Variants in YIPF4 observed in about 807,000 individuals in gnomAD.
YIPF4 encodes the protein Yip1 domain family member 4.
In YIPF4, 18 loss-of-function variants were observed where a neutral mutation model predicts 29.4. That is an observed-to-expected ratio of 0.61 (90% confidence interval 0.42 to 0.91). YIPF4 has a LOEUF of 0.91. Ranked by LOEUF, YIPF4 falls within the 40% of genes least tolerant of loss-of-function variation. YIPF4 has a pLI of 0.00. For synonymous variants in YIPF4, 115 were observed against 104.7 expected (o/e 1.10, Z -0.60); for missense variants, 279 against 282.7 (o/e 0.99, Z 0.09).
rs1201528741 is a variant in YIPF4 at position 32,313,242 on chromosome 2, G to A, written c.*7616G>A. 6.6e-6 allele frequency: 1 copy of A among 152,140 alleles called. No homozygotes were observed. The allele number at this position is 152,140 out of a possible 1,614,324, so 9.4% of individuals were successfully genotyped here. A position where few individuals can be genotyped will look rare whatever the true frequency, so the allele number is the denominator to read the frequency against. On this transcript the variant is annotated 3_prime_UTR_variant, in exon 6 of 6. Transcript: ENST00000238831. ...GAAGACTCTTTCAGATAGAATCGCAGTTTGTGAGTTTGCTTGGGGAAAAAA... is the reference window on the plus strand; with the variant it reads ...GAAGACTCTTTCAGATAGAATCGCAATTTGTGAGTTTGCTTGGGGAAAAAA...
At chr2:32,297,202 G>A (rs1188772283) in intron 3 of YIPF4, among the ~76,000 whole-genome samples, 3 of 151,460 alleles carry the variant, frequency 2.0e-5, no homozygotes, top group African/African-American at 7.3e-5. Context: ...TTGGCTCACC[G>A]CAACCTCTGC....
chr2:32,283,909 G>A (rs565000525), intron 1 of YIPF4, among the ~76,000 whole-genome samples: 2 of 151,984 alleles, frequency 1.3e-5, no homozygotes, highest in East Asian at 1.9e-4. Flanking sequence ...TAATAGAGAC[G>A]GGGTTTTACC....
intron 5 of YIPF4, among the ~76,000 whole-genome samples, chr2:32,302,545 G>A (rs979162306): frequency 4.6e-5 from 7 of 151,980 alleles, no homozygotes; most frequent in African/African-American, 1.7e-4. Flanking sequence ...GGACTTCTTT[G>A]TGTTATTTAT....
In YIPF4 at chr2:32,305,419, C is replaced by G. The variant is rs955866021; in HGVS notation, c.598-70C>G. 5.8e-6 allele frequency: 8 copies of G among 1,389,122 alleles called. No homozygotes were observed. In the African/African-American group the frequency reaches 1.0e-4, roughly 18 times the overall value. 86.0% of individuals were successfully genotyped at this position (1,389,122 alleles called of 1,614,324 possible). A position where few individuals can be genotyped will look rare whatever the true frequency, so the allele number is the denominator to read the frequency against. On this transcript the variant is annotated intron_variant, in intron 5 of 5. Transcript: ENST00000238831. ...AAAAATATTGTAAACACCATTTTTA[C>G]TCTATGATATCCAAAAAGTTAATTG...
Position 32,294,371 on chromosome 2 carries a change from C to T in YIPF4, c.405+2023C>T, listed in dbSNP as rs188381115. Among the ~76,000 whole-genome samples the T allele has an allele frequency of 2.8e-3, 431 of 152,068 alleles. 1 individual carries two copies. Among genetic ancestry groups the T allele is most frequent in the Non-Finnish European group, 4.2e-3 (284 of 67,928 alleles). On this transcript the variant is annotated intron_variant, in intron 3 of 5. Coordinates refer to ENST00000238831, the MANE Select transcript of YIPF4 (RefSeq NM_032312.4). Reference sequence around the variant, plus strand: ...CAGACAGGGCGGCTGGGCAGAGATGCTCCTCACCTCCCAGACGTGGTCGCG... The same window carrying T: ...CAGACAGGGCGGCTGGGCAGAGATGTTCCTCACCTCCCAGACGTGGTCGCG...
intron 3 of YIPF4, 57 bp from the exon 4 acceptor site, chr2:32,298,177 G>A (rs1230559045): frequency 7.3e-7 from 1 of 1,371,106 alleles, no homozygotes; most frequent in Non-Finnish European, 1.0e-6. Context: ...CGAGTTCCTG[G>A]AAAATTATCA....
chr2:32,278,471 A>G (rs2030214729), intron 1 of YIPF4, among the ~76,000 whole-genome samples: 1 of 151,998 alleles, frequency 6.6e-6, no homozygotes, highest in Admixed American at 6.6e-5. Flanking sequence ...TTTTCCCCAT[A>G]CCGTCTGGTG....
chr2:32,288,090 ATAACATGTTAAAC>A (rs1231537905), intron 1 of YIPF4, among the ~76,000 whole-genome samples: 7 of 151,992 alleles, frequency 4.6e-5, no homozygotes, highest in African/African-American at 1.7e-4. Context: ...TGTTAACTTG[ATAACATGTTAAAC>A]TACTACTAAT....
At chr2:32,298,616 A>G (rs1031534491) in intron 4 of YIPF4, among the ~76,000 whole-genome samples, 5 of 152,120 alleles carry the variant, frequency 3.3e-5, no homozygotes, top group African/African-American at 1.2e-4. Context: ...GCTGCAGTGC[A>G]GTGGGGCAAT....
chr2:32,285,302 A>T (rs777050240), intron 1 of YIPF4, among the ~76,000 whole-genome samples: 6 of 152,150 alleles, frequency 3.9e-5, no homozygotes, highest in Non-Finnish European at 8.8e-5. Context: ...AAGACCTGAG[A>T]TATATCAGTT....
At chr2:32,300,856 A>G (rs1205636144) in intron 4 of YIPF4, among the ~76,000 whole-genome samples, 1 of 152,198 alleles carries the variant, frequency 6.6e-6, no homozygotes, top group African/African-American at 2.4e-5. Flanking sequence ...TATATTTCAT[A>G]GGATTGTTAT....
chr2:32,309,922 TC>T lies in YIPF4; in HGVS notation c.*4297del, dbSNP rs1239174857. 11 of 152,230 alleles carry T rather than the reference TC, an allele frequency of 7.2e-5. No homozygotes were observed. The highest frequency in any genetic ancestry group is 2.6e-4 in the African/African-American group (11 of 41,560). The allele number at this position is 152,230 out of a possible 1,614,324, so 9.4% of individuals were successfully genotyped here. On this transcript the variant is annotated 3_prime_UTR_variant, in exon 6 of 6. Coordinates refer to ENST00000238831, the MANE Select transcript of YIPF4 (RefSeq NM_032312.4). ...CCAGGCTGGTCTTAAACTCCTGACC[TC>T]AGGTGATCCACCCACCTTGGCCTCC...
chr2:32,290,503 TC>T lies in YIPF4; in HGVS notation c.104del (p.Pro35GlnfsTer5). 1.9e-6 allele frequency: 3 copies of T among 1,567,218 alleles called. No individual in the cohort carries two copies. Among genetic ancestry groups the T allele is most frequent in the African/African-American group, 1.4e-5 (1 of 72,342 alleles). On this transcript the variant is annotated frameshift_variant, in exon 2 of 6. Coordinates refer to ENST00000238831, the MANE Select transcript of YIPF4 (RefSeq NM_032312.4). LOFTEE classifies it high-confidence loss of function. ...DAEDLSGSIA[S>X]PDVKLNLGGD... Reference sequence around the variant, plus strand: ...CTAAGATCTCAGTGGTTCAATAGCATCCCCAGATGTCAAATTAAATCTTGGT... The same window carrying T: ...CTAAGATCTCAGTGGTTCAATAGCATCCCAGATGTCAAATTAAATCTTGGT...
At chr2:32,298,160 A>G in intron 3 of YIPF4, 74 bp from the exon 4 acceptor site, 1 of 1,179,430 alleles carries the variant, frequency 8.5e-7, no homozygotes, top group East Asian at 2.4e-5. Flanking sequence ...CATTTATGGC[A>G]GAGAATCGAG....
chr2:32,305,457 G>A, intron 5 of YIPF4, 32 bp from the exon 6 acceptor site: 2 of 1,451,602 alleles, frequency 1.4e-6, no homozygotes, highest in Non-Finnish European at 1.8e-6. Context: ...TTGCTAATAT[G>A]CTGCCTTTTG....
At chr2:32,279,919 G>A (rs1340989750) in intron 1 of YIPF4, among the ~76,000 whole-genome samples, 2 of 142,104 alleles carry the variant, frequency 1.4e-5, no homozygotes, top group Non-Finnish European at 3.1e-5. Context: ...TTTTTTTGAG[G>A]TGTGGTCTCA....
At position 32,315,062 on chromosome 2, in the gene YIPF4, A is replaced by C. The variant is rs1183131104; in HGVS notation, c.*9436A>C. 1 of 152,216 alleles carries C rather than the reference A, an allele frequency of 6.6e-6. No individual in the cohort carries two copies. The highest frequency in any genetic ancestry group is 1.9e-4 in the East Asian group (1 of 5,206). 9.4% of individuals were successfully genotyped at this position (152,216 alleles called of 1,614,324 possible). On this transcript the variant is annotated 3_prime_UTR_variant, in exon 6 of 6. Coordinates refer to ENST00000238831, the MANE Select transcript of YIPF4 (RefSeq NM_032312.4). ...TCCATAACTGATATGGCAGTTTAACAGTGTTATTAAGAACTCAAGGTCCAT... is the reference window on the plus strand; with the variant it reads ...TCCATAACTGATATGGCAGTTTAACCGTGTTATTAAGAACTCAAGGTCCAT...
At chr2:32,302,649 G>A (rs887628570) in intron 5 of YIPF4, among the ~76,000 whole-genome samples, 34 of 152,018 alleles carry the variant, frequency 2.2e-4, no homozygotes, top group African/African-American at 8.2e-4. Context: ...TATTAATGTC[G>A]AACAACTTTG....
At chr2:32,289,243 G>A (rs565540886) in intron 1 of YIPF4, among the ~76,000 whole-genome samples, 2 of 152,240 alleles carry the variant, frequency 1.3e-5, no homozygotes, top group South Asian at 4.1e-4. Context: ...ACTAGGGCCC[G>A]GAAAACATGA....
Sources: allele counts gnomAD v4.1 joint callset (sites outside exome capture counted in the v4.1 genomes callset), GRCh38; gene constraint gnomAD v4.1.1; transcripts MANE v1.5; gene names NCBI Gene and HGNC (gene_info 2026-07-23, HGNC 2026-07-21).